The following CLSTN2 variants were observed in gnomAD, a reference collection of about 807,000 sequenced individuals.
CLSTN2 encodes calsyntenin 2.
In CLSTN2, 48 loss-of-function variants were observed where a neutral mutation model predicts 101.2. The ratio of observed to expected loss-of-function variants is 0.47; its 90% CI spans 0.38 to 0.60. The LOEUF is 0.60. CLSTN2 is among the 20% of genes least tolerant of loss of function. The pLI is 0.00. For synonymous variants in CLSTN2, 481 were observed against 463.6 expected (o/e 1.04, Z -0.48); for missense variants, 1,160 against 1,238.2 (o/e 0.94, Z 0.95).
At chr3:140,022,428 G>A (rs1380693901) in intron 1 of CLSTN2, among the ~76,000 whole-genome samples, 2 of 152,228 alleles carry the variant, frequency 1.3e-5, no homozygotes, top group East Asian at 3.9e-4. Context: ...GCCTGGGTCT[G>A]GAGATGGAGG....
At chr3:140,306,023 T>C (rs907040217) in intron 2 of CLSTN2, among the ~76,000 whole-genome samples, 4 of 152,130 alleles carry the variant, frequency 2.6e-5, no homozygotes, top group African/African-American at 7.2e-5. Context: ...ACTATAGTCA[T>C]CCCCACCACT....
chr3:140,558,528 G>C lies in CLSTN2; in HGVS notation c.1824-112G>C, dbSNP rs547689752. 19 of 731,930 alleles carry C rather than the reference G, an allele frequency of 2.6e-5. No individual in the cohort carries two copies. In the African/African-American group the frequency reaches 3.1e-4, roughly 12 times the overall value. The allele number at this position is 731,930 out of a possible 1,614,324, so 45.3% of individuals were successfully genotyped here. A position where few individuals can be genotyped will look rare whatever the true frequency, so the allele number is the denominator to read the frequency against. Reference sequence around the variant, plus strand: ...TGTTGACATCCTCAGAGACACTTACGCAGTCACGATGCCTTGTTAAGAACT... The same window carrying C: ...TGTTGACATCCTCAGAGACACTTACCCAGTCACGATGCCTTGTTAAGAACT... On this transcript the variant is annotated intron_variant, in intron 11 of 16. Coordinates refer to ENST00000458420, the MANE Select transcript of CLSTN2 (RefSeq NM_022131.3).
At chr3:140,010,689 T>C (rs961238843) in intron 1 of CLSTN2, among the ~76,000 whole-genome samples, 2 of 152,164 alleles carry the variant, frequency 1.3e-5, no homozygotes, top group Non-Finnish European at 2.9e-5. Flanking sequence ...GAAGACTAAA[T>C]TGATTACTCC....
chr3:140,168,657 T>C (rs371369919), intron 1 of CLSTN2, among the ~76,000 whole-genome samples: 10 of 152,244 alleles, frequency 6.6e-5, no homozygotes, highest in East Asian at 5.8e-4. Flanking sequence ...ATGACTCCTG[T>C]AGAGATAATT....
intron 1 of CLSTN2, among the ~76,000 whole-genome samples, chr3:140,102,098 C>A (rs996686341): frequency 2.0e-5 from 3 of 152,188 alleles, no homozygotes; most frequent in African/African-American, 7.2e-5. Context: ...TCAAGTCAGA[C>A]CACACATGTC....
intron 2 of CLSTN2, among the ~76,000 whole-genome samples, chr3:140,220,884 C>T (rs570041508): frequency 2.8e-4 from 43 of 152,082 alleles, no homozygotes; most frequent in Non-Finnish European, 5.7e-4. Context: ...CTTTTGCCTA[C>T]ACTGTGTCCT....
intron 1 of CLSTN2, among the ~76,000 whole-genome samples, chr3:140,048,759 C>A (rs1045061699): frequency 1.3e-5 from 2 of 152,098 alleles, no homozygotes; most frequent in East Asian, 3.9e-4. Context: ...TGGAGAACGA[C>A]CCTGTAAATT....
intron 1 of CLSTN2, among the ~76,000 whole-genome samples, chr3:139,954,985 T>A (rs542671874): frequency 6.6e-6 from 1 of 151,492 alleles, no homozygotes; most frequent in East Asian, 1.9e-4. Context: ...TTTTACTTTT[T>A]TGACAGCCAA....
intron 1 of CLSTN2, among the ~76,000 whole-genome samples, chr3:140,121,493 C>G (rs1166004046): frequency 2.0e-5 from 3 of 152,132 alleles, no homozygotes; most frequent in Non-Finnish European, 4.4e-5. Context: ...ATAGTAGGGA[C>G]TCAACATATA....
chr3:140,455,445 A>G (rs1933375577), intron 6 of CLSTN2, among the ~76,000 whole-genome samples: 1 of 152,174 alleles, frequency 6.6e-6, no homozygotes, highest in Non-Finnish European at 1.5e-5. Flanking sequence ...CTTTTGTATC[A>G]CAGTGTGCCC....
At chr3:139,992,178 G>A (rs1000371469) in intron 1 of CLSTN2, among the ~76,000 whole-genome samples, 1 of 152,202 alleles carries the variant, frequency 6.6e-6, no homozygotes, top group Non-Finnish European at 1.5e-5. Flanking sequence ...ATGGATGAGT[G>A]TGGAGAGGGC....
chr3:140,456,965 T>C (rs780084321), intron 6 of CLSTN2, among the ~76,000 whole-genome samples: 3 of 152,122 alleles, frequency 2.0e-5, no homozygotes, highest in Admixed American at 6.5e-5. Context: ...TGTACCTCTC[T>C]ATATATATCC....
chr3:140,536,784 T>G (rs1935367133), intron 9 of CLSTN2, among the ~76,000 whole-genome samples: 2 of 152,200 alleles, frequency 1.3e-5, no homozygotes, highest in African/African-American at 4.8e-5. Context: ...CACCATATGC[T>G]ATGGCAGGGA....
intron 1 of CLSTN2, among the ~76,000 whole-genome samples, chr3:140,168,846 A>T (rs979148754): frequency 1.3e-5 from 2 of 152,088 alleles, no homozygotes; most frequent in African/African-American, 2.4e-5. Context: ...CTTTCCATTG[A>T]TGTATACATC....
intron 2 of CLSTN2, among the ~76,000 whole-genome samples, 192 bp from the exon 3 acceptor site, chr3:140,403,437 G>T (rs2088265909): frequency 6.6e-6 from 1 of 152,206 alleles, no homozygotes. Context: ...CAGGAGGTCT[G>T]GGTGGGGCCT....
intron 2 of CLSTN2, among the ~76,000 whole-genome samples, chr3:140,206,302 G>A (rs1418322274): frequency 6.6e-6 from 1 of 152,152 alleles, no homozygotes; most frequent in Non-Finnish European, 1.5e-5. Flanking sequence ...GAGGCATGGA[G>A]AGACACATCT....
At chr3:140,262,839 G>A (rs1398516439) in intron 2 of CLSTN2, among the ~76,000 whole-genome samples, 1 of 152,114 alleles carries the variant, frequency 6.6e-6, no homozygotes, top group Non-Finnish European at 1.5e-5. Context: ...GAAGAATGGG[G>A]ACAGTAAGAA....
At chr3:140,172,159 C>T (rs1357135333) in intron 1 of CLSTN2, among the ~76,000 whole-genome samples, 1 of 150,708 alleles carries the variant, frequency 6.6e-6, no homozygotes, top group East Asian at 2.0e-4. Context: ...TATTCTAGCC[C>T]CCCTCTAACC....
chr3:140,403,832 G>C lies in CLSTN2; in HGVS notation c.428+8G>C. 1 of 1,601,636 alleles carries C rather than the reference G, an allele frequency of 6.2e-7. No individual in the cohort carries two copies. The highest frequency in any genetic ancestry group is 1.3e-5 in the African/African-American group (1 of 74,872). ...CTGGAAAAAGTCACACAAGTGAGTG[G>C]CCTGACAGAGCCCTCTGGACGCCCC... On this transcript the variant is annotated splice_region_variant and intron_variant, in intron 3 of 16. Transcript: ENST00000458420.
Sources: allele counts gnomAD v4.1 joint callset (sites outside exome capture counted in the v4.1 genomes callset), GRCh38; gene constraint gnomAD v4.1.1; transcripts MANE v1.5; gene names NCBI Gene and HGNC (gene_info 2026-07-23, HGNC 2026-07-21).